The following BRF1 variants were observed in gnomAD, a reference collection of about 807,000 sequenced individuals.
The protein encoded by BRF1 is BRF1 general transcription factor IIIB subunit, also known as transcription factor IIIB 90 kDa subunit.
A neutral mutation model predicts 81.7 loss-of-function variants in BRF1; 59 were observed. The ratio of observed to expected loss-of-function variants is 0.72; its 90% CI spans 0.59 to 0.90. BRF1 has a LOEUF of 0.90. BRF1 is among the 40% of genes least tolerant of loss of function. The pLI is 0.00. For missense variants in BRF1, 1,050 were observed against 936.3 expected (o/e 1.12, Z -1.58); for synonymous variants, 491 against 395.6 (o/e 1.24, Z -2.86).
upstream of BRF1, among the ~76,000 whole-genome samples, chr14:105,304,974 A>T (rs1873339117): frequency 6.6e-6 from 1 of 152,236 alleles, no homozygotes; most frequent in South Asian, 2.1e-4. Flanking sequence ...ACAGAGCCAA[A>T]TCATATCATG....
intron 6 of BRF1, 31 bp from the exon 7 acceptor site, chr14:105,228,944 C>T (rs1267518785): frequency 4.4e-6 from 7 of 1,606,440 alleles, no homozygotes; most frequent in East Asian, 2.2e-5. Flanking sequence ...CCTCGTCAAC[C>T]ACGGCTGGGA....
At chr14:105,278,960 C>T (rs1182206936) in intron 2 of BRF1, among the ~76,000 whole-genome samples, 2 of 152,168 alleles carry the variant, frequency 1.3e-5, no homozygotes, top group Non-Finnish European at 2.9e-5. Context: ...AGGAGAATCG[C>T]TTGCACCCAT....
At chr14:105,247,984 G>A (rs587728014) in intron 5 of BRF1, 2 of 985,486 alleles carry the variant, frequency 2.0e-6, no homozygotes, top group African/African-American at 3.5e-5. Flanking sequence ...GGCAGGGCGC[G>A]CCCTGGGGCC....
Position 105,241,397 on chromosome 14 carries a change from G to A in BRF1, c.562C>T (p.Pro188Ser). ...AATTCCAGCAGGTGCGCAAAGCGTG[G>A]AATATACAGGCACGGGTCTGCGGCA... ...APAIDPCLYI[P>S]RFAHLLEFGE... The change falls in exon 6 of 18, where the codon CCA becomes TCA. Residue 188 changes from proline to serine, a missense_variant. Around this residue, in one of 2 missense-constraint regions of BRF1, gnomAD observed 1,043 missense variants for 915.4 expected, o/e 1.14. Coordinates refer to ENST00000547530, the MANE Select transcript of BRF1 (RefSeq NM_001519.4). The A allele has an allele frequency of 6.2e-7, 1 of 1,612,440 alleles. No individual in the cohort carries two copies. The highest frequency in any genetic ancestry group is 1.7e-4 in the Middle Eastern group (1 of 6,056).
At chr14:105,250,072 A>G in intron 5 of BRF1, 1 of 1,613,036 alleles carries the variant, frequency 6.2e-7, no homozygotes, top group Non-Finnish European at 8.5e-7. Context: ...TCCGAATTCC[A>G]ACCATGACCC....
chr14:105,210,639 C>G lies in BRF1; in HGVS notation c.1997-51G>C. 1 of 1,595,412 alleles carries G rather than the reference C, an allele frequency of 6.3e-7. No individual in the cohort carries two copies. Among genetic ancestry groups the G allele is most frequent in the Non-Finnish European group, 8.5e-7 (1 of 1,170,770 alleles). On this transcript the variant is annotated intron_variant, in intron 17 of 17. Coordinates refer to ENST00000547530, the MANE Select transcript of BRF1 (RefSeq NM_001519.4). This position sits in a 1 kb window ranked among gnomAD's most constrained non-coding sequence, Gnocchi z 4.7. ...CCAGGGTCTCTGTGGGACCCAGGAG[C>G]CCAGACCCCCCAACCCGCCCTGTTC...
intron 3 of BRF1, among the ~76,000 whole-genome samples, chr14:105,256,947 C>A (rs2055907744): frequency 6.6e-6 from 1 of 152,178 alleles, no homozygotes; most frequent in East Asian, 1.9e-4. Flanking sequence ...ACAGAAGAGA[C>A]AGTGGCACTC....
At chr14:105,214,377 C>T (rs1364687683) in intron 15 of BRF1, among the ~76,000 whole-genome samples, 2 of 152,244 alleles carry the variant, frequency 1.3e-5, no homozygotes, top group Non-Finnish European at 2.9e-5. Flanking sequence ...GAGGAGGAGA[C>T]AAGCTCGGAG....
chr14:105,248,851 C>T, intron 5 of BRF1: 1 of 990,676 alleles, frequency 1.0e-6, no homozygotes, highest in Non-Finnish European at 1.2e-6. Flanking sequence ...GAGGCTGCCC[C>T]CGCCGCCCCG....
In BRF1 at chr14:105,210,690, C is replaced by A; in HGVS notation, c.1997-102G>T. On this transcript the variant is annotated intron_variant, in intron 17 of 17. Transcript: ENST00000547530. This position sits in a 1 kb window ranked among gnomAD's most constrained non-coding sequence, Gnocchi z 4.7. ...CTGGTGCCCCCCTAGAAGACTCAGG[C>A]TCCAGCCCCAGCCCCAGCCCCCCGC... The A allele has an allele frequency of 7.3e-7, 1 of 1,365,640 alleles. No individual in the cohort carries two copies. The highest frequency in any genetic ancestry group is 1.0e-6 in the Non-Finnish European group (1 of 994,918). 84.6% of individuals were successfully genotyped at this position (1,365,640 alleles called of 1,614,324 possible).
chr14:105,241,164 C>G lies in BRF1; in HGVS notation c.694+101G>C, dbSNP rs984942938. 1.8e-5 allele frequency: 27 copies of G among 1,531,320 alleles called. No individual in the cohort carries two copies. In the Admixed American group the frequency reaches 2.9e-4, roughly 16 times the overall value. 94.9% of individuals were successfully genotyped at this position (1,531,320 alleles called of 1,614,324 possible). ...GGGAGGCTGGAGGCAGCTCTCAGTGCTCTGCAAACATACGGCCCAGCCCAC... is the reference window on the plus strand; with the variant it reads ...GGGAGGCTGGAGGCAGCTCTCAGTGGTCTGCAAACATACGGCCCAGCCCAC... On this transcript the variant is annotated intron_variant, in intron 6 of 17. Coordinates refer to ENST00000547530, the MANE Select transcript of BRF1 (RefSeq NM_001519.4).
At chr14:105,248,522 G>T in intron 5 of BRF1, 1 of 972,024 alleles carries the variant, frequency 1.0e-6, no homozygotes, top group Non-Finnish European at 1.2e-6. Context: ...CGCGCGGGGC[G>T]CGGCCCTGAC....
chr14:105,272,380 G>A (rs902410189), intron 3 of BRF1, among the ~76,000 whole-genome samples: 7 of 152,328 alleles, frequency 4.6e-5, no homozygotes, highest in African/African-American at 1.4e-4. Flanking sequence ...GCCAGAGGGC[G>A]GCCTGAACCA....
At chr14:105,307,973 A>G (rs1428439838) in intron 1 of BRF1, among the ~76,000 whole-genome samples, 1 of 152,158 alleles carries the variant, frequency 6.6e-6, no homozygotes, top group Non-Finnish European at 1.5e-5. Flanking sequence ...GCTTGAGCCC[A>G]GGAGTTCGAG....
At chr14:105,312,936 C>T (rs1004502938) in intron 1 of BRF1, among the ~76,000 whole-genome samples, 3 of 152,156 alleles carry the variant, frequency 2.0e-5, no homozygotes, top group South Asian at 2.1e-4. Context: ...GGTCATATCC[C>T]GACCCCTGGC....
intron 3 of BRF1, among the ~76,000 whole-genome samples, chr14:105,258,510 C>A (rs1269363814): frequency 1.5e-5 from 2 of 131,332 alleles, no homozygotes; most frequent in African/African-American, 5.7e-5. Context: ...AAGAAATGAA[C>A]TCTAAGGCCA....
At position 105,286,236 on chromosome 14, in the gene BRF1, A is replaced by G. The variant is rs960268913; in HGVS notation, c.265+60T>C. On this transcript the variant is annotated intron_variant, in intron 2 of 17. Transcript: ENST00000547530. ...CTGAGTCAGTGCCCTCCACCCTAGC[A>G]CCACCATCCCCATCTCTGGGACCCG... The G allele has an allele frequency of 7.8e-6, 12 of 1,535,088 alleles. No individual in the cohort carries two copies. In the African/African-American group the frequency reaches 1.2e-4, roughly 16 times the overall value.
upstream of BRF1, among the ~76,000 whole-genome samples, chr14:105,301,818 G>A (rs2058039957): frequency 6.6e-6 from 1 of 152,230 alleles, no homozygotes; most frequent in South Asian, 2.1e-4. Flanking sequence ...CATAGGGCCG[G>A]TGACATACCC....
chr14:105,210,754 C>T lies in BRF1; in HGVS notation c.1997-166G>A, dbSNP rs1037599217. ...CCATCTTGGGCTCCTCTCCACCTCC[C>T]GGGACTGGCATGCACCCAGAGCAGG... On this transcript the variant is annotated intron_variant, in intron 17 of 17. Coordinates refer to ENST00000547530, the MANE Select transcript of BRF1 (RefSeq NM_001519.4). The surrounding 1 kb of genome is among the most constrained non-coding windows in gnomAD (Gnocchi z 4.7). Among the ~76,000 whole-genome samples the T allele has an allele frequency of 1.9e-4, 29 of 152,052 alleles. No individual in the cohort carries two copies. Among genetic ancestry groups the T allele is most frequent in the African/African-American group, 6.5e-4 (27 of 41,380 alleles).
Sources: gnomAD v4.1 joint callset for allele counts (sites outside exome capture counted in the v4.1 genomes callset) on GRCh38, gnomAD v4.1.1 for gene constraint, gnomAD v4.1.1 regional missense constraint, Gnocchi (gnomAD v3.1) non-coding constraint, MANE v1.5 for transcripts, NCBI Gene and HGNC (gene_info 2026-07-23, HGNC 2026-07-21) for gene names.